The following TPD52L1 variants were observed in gnomAD, a reference collection of about 807,000 sequenced individuals.
The protein encoded by TPD52L1 is TPD52 like 1, also known as tumor protein D53.
In TPD52L1, 18 loss-of-function variants were observed where a neutral mutation model predicts 28.7. The observed-to-expected ratio is 0.63, with a 90% CI of 0.43 to 0.93. TPD52L1 has a LOEUF of 0.93. Among genes scored for constraint, TPD52L1 ranks in the 40% least tolerant of loss-of-function variants. TPD52L1 has a pLI of 0.00. For missense variants in TPD52L1, 203 were observed against 254.8 expected (o/e 0.80, Z 1.39); for synonymous variants, 75 against 88.8 (o/e 0.84, Z 0.88).
At chr6:125,158,462 G>A (rs1790288582) in intron 1 of TPD52L1, among the ~76,000 whole-genome samples, 1 of 152,032 alleles carries the variant, frequency 6.6e-6, no homozygotes, top group Non-Finnish European at 1.5e-5. Context: ...TTTGCTCACA[G>A]AACATTTATA....
intron 1 of TPD52L1, among the ~76,000 whole-genome samples, chr6:125,186,382 A>G (rs1792631321): frequency 6.6e-6 from 1 of 152,202 alleles, no homozygotes; most frequent in Admixed American, 6.5e-5. Context: ...ATTTATGAAA[A>G]TAGGCCATGG....
chr6:125,168,931 C>T lies in TPD52L1; in HGVS notation c.19+14961C>T, dbSNP rs114653003. 5.8e-3 allele frequency among the ~76,000 whole-genome samples: 876 copies of T among 152,196 alleles called. 8 individuals carry two copies. Among genetic ancestry groups the T allele is most frequent in the African/African-American group, 0.02 (831 of 41,528 alleles). On this transcript the variant is annotated intron_variant, in intron 1 of 6. Transcript: ENST00000534000. ...ATATAATAGCTTTGAATTTGGATTC[C>T]GTTAGAGTTGGAAAAAGAGAAAGTC...
intron 3 of TPD52L1, among the ~76,000 whole-genome samples, chr6:125,240,024 A>G (rs1312161080): frequency 6.6e-6 from 1 of 152,130 alleles, no homozygotes; most frequent in Non-Finnish European, 1.5e-5. Flanking sequence ...ATGAGGATCC[A>G]GTTTCGTTCT....
intron 3 of TPD52L1, among the ~76,000 whole-genome samples, chr6:125,247,901 C>T (rs2273560): frequency 0.15 from 22,986 of 152,178 alleles, 2,126 homozygotes; most frequent in East Asian, 0.31. Context: ...CCTAAACCTG[C>T]ATTCTCTAAT....
chr6:125,194,786 C>T (rs1793305094), intron 1 of TPD52L1, among the ~76,000 whole-genome samples: 1 of 152,186 alleles, frequency 6.6e-6, no homozygotes, highest in Non-Finnish European at 1.5e-5. Context: ...GTGTTAATAG[C>T]ACGTAGTTTA....
At chr6:125,256,303 T>A (rs568788481) in intron 5 of TPD52L1, among the ~76,000 whole-genome samples, 1 of 151,794 alleles carries the variant, frequency 6.6e-6, no homozygotes, top group African/African-American at 2.4e-5. Context: ...TGAGTCAAGA[T>A]CAGTTCACTG....
rs542085595 is a variant in TPD52L1, at chr6:125,206,691, A to C, written c.20-13387A>C. 1.0e-3 allele frequency among the ~76,000 whole-genome samples: 152 copies of C among 152,316 alleles called. 1 individual carries two copies. Among genetic ancestry groups the C allele is most frequent in the Admixed American group, 3.6e-3 (55 of 15,302 alleles). On this transcript the variant is annotated intron_variant, in intron 1 of 6. Coordinates refer to ENST00000534000, the MANE Select transcript of TPD52L1 (RefSeq NM_003287.4). ...TTTGAATGATTATATAAGAATTTTC[A>C]AATCTACGCCAGAAGCAATGGAGAA...
At position 125,262,974 on chromosome 6, in the gene TPD52L1, G is replaced by A. The variant is rs527280358; in HGVS notation, c.*12G>A. The A allele has an allele frequency of 2.2e-4, 359 of 1,609,170 alleles. No homozygotes were observed. The highest frequency in any genetic ancestry group is 2.8e-4 in the Non-Finnish European group (334 of 1,178,048). ...AGCTGCAGTGCTAAGTCCAGCCAGC[G>A]TGCAGCTGCATCCAGAAACCGGCCA... On this transcript the variant is annotated 3_prime_UTR_variant, in exon 7 of 7. Coordinates refer to ENST00000534000, the MANE Select transcript of TPD52L1 (RefSeq NM_003287.4).
chr6:125,159,715 G>A (rs779582027), intron 1 of TPD52L1, among the ~76,000 whole-genome samples: 3 of 152,080 alleles, frequency 2.0e-5, no homozygotes, highest in Admixed American at 6.5e-5. Flanking sequence ...TAAATAATAC[G>A]ACTTGAAAGT....
chr6:125,223,007 C>T (rs972792145), intron 2 of TPD52L1, among the ~76,000 whole-genome samples: 2 of 151,178 alleles, frequency 1.3e-5, no homozygotes, highest in African/African-American at 4.9e-5. Flanking sequence ...TAAATAAGAC[C>T]TTAACTTTTC....
intron 1 of TPD52L1, among the ~76,000 whole-genome samples, chr6:125,200,265 A>T (rs1269575693): frequency 6.6e-6 from 1 of 150,896 alleles, no homozygotes; most frequent in Non-Finnish European, 1.5e-5. Flanking sequence ...GTCAGTTGTT[A>T]AAAAAATGTG....
chr6:125,184,310 TGGATGGG>T (rs1228800102), intron 1 of TPD52L1, among the ~76,000 whole-genome samples: 1 of 152,098 alleles, frequency 6.6e-6, no homozygotes, highest in African/African-American at 2.4e-5. Context: ...ACTAGCAAAA[TGGATGGG>T]ATTTTTTTGA....
At chr6:125,246,869 G>A (rs1796951981) in intron 3 of TPD52L1, among the ~76,000 whole-genome samples, 1 of 151,480 alleles carries the variant, frequency 6.6e-6, no homozygotes, top group African/African-American at 2.4e-5. Flanking sequence ...GATAGGAAAT[G>A]TCTGTTCAGT....
intron 4 of TPD52L1, chr6:125,251,898 T>A: frequency 1.1e-6 from 1 of 910,728 alleles, no homozygotes; most frequent in African/African-American, 1.7e-5. Flanking sequence ...GAGTGGTAAA[T>A]GAAGCTACCC....
At chr6:125,258,750 G>A (rs912435491) in intron 6 of TPD52L1, among the ~76,000 whole-genome samples, 4 of 151,898 alleles carry the variant, frequency 2.6e-5, no homozygotes, top group East Asian at 1.9e-4. Context: ...ATAGCCTGCC[G>A]TCTCCTTCAG....
At chr6:125,235,095 A>AAATAATAATAATAAT (rs1475867858) in intron 3 of TPD52L1, among the ~76,000 whole-genome samples, 1 of 64,890 alleles carries the variant, frequency 1.5e-5, no homozygotes, top group Non-Finnish European at 2.9e-5. Context: ...CCCTGTCTAC[A>AAATAATAATAATAAT]AATAACAATA....
In TPD52L1 at chr6:125,192,321, CT is replaced by C. The variant is rs35571452; in HGVS notation, c.20-27743del. Among the ~76,000 whole-genome samples, 563 of 142,248 alleles carry C rather than the reference CT, an allele frequency of 4.0e-3. 1 individual carries two copies. Among genetic ancestry groups the C allele is most frequent in the East Asian group, 0.024 (119 of 4,962 alleles). 93.3% of individuals were successfully genotyped at this position (142,248 alleles called of 152,430 possible). Reference sequence around the variant, plus strand: ...TTTTGAGAACAACAACAAAAAAAATCTTTTTTTTTTTTTTATCTGGTGTTGC... The same window carrying C: ...TTTTGAGAACAACAACAAAAAAAATCTTTTTTTTTTTTTATCTGGTGTTGC... On this transcript the variant is annotated intron_variant, in intron 1 of 6. Transcript: ENST00000534000.
chr6:125,197,239 C>A (rs990625449), intron 1 of TPD52L1, among the ~76,000 whole-genome samples: 1 of 152,184 alleles, frequency 6.6e-6, no homozygotes, highest in Non-Finnish European at 1.5e-5. Flanking sequence ...AGATGAAAAT[C>A]TGTTTTATGT....
chr6:125,251,775 G>T (rs1046533570), intron 4 of TPD52L1, among the ~76,000 whole-genome samples: 3 of 152,212 alleles, frequency 2.0e-5, no homozygotes, highest in Non-Finnish European at 2.9e-5. Context: ...TTTGGAGAAG[G>T]CATGTCATTT....
Sources: gnomAD v4.1 joint callset for allele counts (sites outside exome capture counted in the v4.1 genomes callset) on GRCh38, gnomAD v4.1.1 for gene constraint, MANE v1.5 for transcripts, NCBI Gene and HGNC (gene_info 2026-07-23, HGNC 2026-07-21) for gene names.